Variants in CCDC3 observed in about 807,000 individuals in gnomAD.
CCDC3 encodes the protein coiled-coil domain containing 3.
In CCDC3, 24 loss-of-function variants were observed where a neutral mutation model predicts 21.4. The observed-to-expected ratio is 1.12, with a 90% CI of 0.81 to 1.58. CCDC3 has a LOEUF of 1.58. CCDC3 is among the 40% of genes most tolerant of loss of function. CCDC3 has a pLI of 0.00. For missense variants in CCDC3, 425 were observed against 360.9 expected (o/e 1.18, Z -1.44); for synonymous variants, 186 against 166.0 (o/e 1.12, Z -0.93).
chr10:12,985,958 C>A (rs989758549), intron 2 of CCDC3, among the ~76,000 whole-genome samples: 2 of 152,180 alleles, frequency 1.3e-5, no homozygotes. Flanking sequence ...TCACTGCAAG[C>A]TCCGCCTCCC....
At chr10:12,982,096 T>A (rs897185507) in intron 2 of CCDC3, among the ~76,000 whole-genome samples, 3 of 113,610 alleles carry the variant, frequency 2.6e-5, no homozygotes, top group South Asian at 3.2e-4. Flanking sequence ...CACTCTAGCC[T>A]GGGAGACAGA....
chr10:12,984,190 G>T (rs1452648066), intron 2 of CCDC3, among the ~76,000 whole-genome samples: 1 of 152,130 alleles, frequency 6.6e-6, no homozygotes, highest in Non-Finnish European at 1.5e-5. Flanking sequence ...AATAAACAAG[G>T]AACTATTACA....
intron 2 of CCDC3, among the ~76,000 whole-genome samples, chr10:12,908,546 T>C (rs934303721): frequency 1.3e-5 from 2 of 152,072 alleles, no homozygotes; most frequent in Non-Finnish European, 2.9e-5. Flanking sequence ...AAATCCTTTT[T>C]CTAGAACTAC....
intron 2 of CCDC3, among the ~76,000 whole-genome samples, chr10:12,976,405 T>C (rs149029118): frequency 6.6e-6 from 1 of 152,102 alleles, no homozygotes; most frequent in Non-Finnish European, 1.5e-5. Context: ...TCCAACAGCA[T>C]CTGGTACAAT....
chr10:13,062,513 A>T (rs1836769800), intron 4 of CCDC3, among the ~76,000 whole-genome samples: 1 of 152,134 alleles, frequency 6.6e-6, no homozygotes, highest in African/African-American at 2.4e-5. Context: ...GTTATAAGGG[A>T]TGATATTGAA....
At chr10:12,975,000 CAAAT>C (rs956079683) in intron 2 of CCDC3, among the ~76,000 whole-genome samples, 13 of 152,150 alleles carry the variant, frequency 8.5e-5, no homozygotes, top group Admixed American at 8.5e-4. Context: ...TGTCACGTGA[CAAAT>C]AAAGACTCAG....
intron 3 of CCDC3, among the ~76,000 whole-genome samples, chr10:13,082,645 T>A (rs1440897104): frequency 6.6e-6 from 1 of 152,138 alleles, no homozygotes; most frequent in African/African-American, 2.4e-5. Context: ...CTGACATTAC[T>A]GCTAGACCAA....
At position 12,954,794 on chromosome 10, in the gene CCDC3, C is replaced by G. The variant is rs141084658; in HGVS notation, c.549+43544G>C. Among the ~76,000 whole-genome samples the G allele has an allele frequency of 7.0e-3, 1,061 of 152,246 alleles. 7 individuals carry two copies. The highest frequency in any genetic ancestry group is 0.051 in the Middle Eastern group (15 of 294). On this transcript the variant is annotated intron_variant, in intron 2 of 2. Coordinates refer to ENST00000378825, the MANE Select transcript of CCDC3 (RefSeq NM_031455.4). ...CAACATGGAATTTGGAGGGGACAAACCAAACTATGGCAAATGGGATATAAC... is the reference window on the plus strand; with the variant it reads ...CAACATGGAATTTGGAGGGGACAAAGCAAACTATGGCAAATGGGATATAAC...
intron 2 of CCDC3, among the ~76,000 whole-genome samples, chr10:12,952,194 T>C (rs1278542779): frequency 5.3e-5 from 8 of 152,168 alleles, no homozygotes; most frequent in East Asian, 1.9e-4. Context: ...AGGCACCAGA[T>C]AGAATGTGAC....
At chr10:13,096,026 G>A (rs567522298) in intron 3 of CCDC3, among the ~76,000 whole-genome samples, 47 of 152,176 alleles carry the variant, frequency 3.1e-4, no homozygotes, top group African/African-American at 1.1e-3. Context: ...GTAGTCTTTG[G>A]CATCTGGGGT....
rs147436189 is a variant in CCDC3 at position 13,067,527 on chromosome 10, A to G, written c.-270+6341T>C. ...CTGTAGCCAGTCTTGTGGGCTTTGCATGACTTTCTGTATGGTGAGTAGCAA... is the reference window on the plus strand; with the variant it reads ...CTGTAGCCAGTCTTGTGGGCTTTGCGTGACTTTCTGTATGGTGAGTAGCAA... On this transcript the variant is annotated intron_variant, in intron 4 of 6. Transcript: ENST00000378839. Among the ~76,000 whole-genome samples, 421 of 152,232 alleles carry G rather than the reference A, an allele frequency of 2.8e-3. 5 individuals carry two copies. Among genetic ancestry groups the G allele is most frequent in the African/African-American group, 9.7e-3 (405 of 41,544 alleles).
intron 2 of CCDC3, among the ~76,000 whole-genome samples, chr10:12,947,144 T>C (rs1001719518): frequency 7.9e-6 from 1 of 126,254 alleles, no homozygotes; most frequent in Non-Finnish European, 1.8e-5. Flanking sequence ...TTTTGCTCAC[T>C]TTTTTTTTTT....
chr10:13,056,313 G>A (rs1836680780), intron 4 of CCDC3, among the ~76,000 whole-genome samples: 1 of 152,138 alleles, frequency 6.6e-6, no homozygotes, highest in African/African-American at 2.4e-5. Flanking sequence ...CCTAGAAATG[G>A]CGCACAACCT....
chr10:12,923,150 AC>A (rs1254928401), intron 2 of CCDC3, among the ~76,000 whole-genome samples: 1 of 152,152 alleles, frequency 6.6e-6, no homozygotes, highest in Non-Finnish European at 1.5e-5. Flanking sequence ...CTCCCCATGG[AC>A]CCACCATCTG....
At chr10:12,950,283 CAAAT>C (rs761665492) in intron 2 of CCDC3, among the ~76,000 whole-genome samples, 2 of 152,190 alleles carry the variant, frequency 1.3e-5, no homozygotes, top group Non-Finnish European at 2.9e-5. Context: ...CTACACATGA[CAAAT>C]AAGGCCTCAG....
chr10:13,047,340 G>A (rs1050995806), intron 5 of CCDC3, among the ~76,000 whole-genome samples: 1 of 152,192 alleles, frequency 6.6e-6, no homozygotes, highest in Non-Finnish European at 1.5e-5. Context: ...TGACAGACCG[G>A]CAGCTGGAGC....
chr10:12,960,609 C>A (rs573653991), intron 2 of CCDC3, among the ~76,000 whole-genome samples: 173 of 152,296 alleles, frequency 1.1e-3, no homozygotes, highest in African/African-American at 4.1e-3. Context: ...GCTTTCCCAC[C>A]ACAGTGACAA....
intron 4 of CCDC3, among the ~76,000 whole-genome samples, chr10:13,067,655 A>G (rs1365866156): frequency 3.9e-5 from 6 of 152,156 alleles, no homozygotes; most frequent in Non-Finnish European, 2.9e-5. Context: ...GCCGGGTTCA[A>G]TCCTGGCTTA....
At chr10:13,081,694 G>A (rs1837040874) in intron 3 of CCDC3, among the ~76,000 whole-genome samples, 1 of 152,254 alleles carries the variant, frequency 6.6e-6, no homozygotes, top group African/African-American at 2.4e-5. Context: ...CAGACACAAT[G>A]ACAAGACCAA....
Sources: allele counts gnomAD v4.1 joint callset (sites outside exome capture counted in the v4.1 genomes callset), GRCh38; gene constraint gnomAD v4.1.1; transcripts MANE v1.5; gene names NCBI Gene and HGNC (gene_info 2026-07-23, HGNC 2026-07-21).